Variants in SRPK2 observed in about 807,000 individuals in gnomAD.
The protein encoded by SRPK2 is SFRS protein kinase 2.
In SRPK2, 21 loss-of-function variants were observed where a neutral mutation model predicts 90.8. That is an observed-to-expected ratio of 0.23 (90% confidence interval 0.16 to 0.33). SRPK2 has a LOEUF of 0.33. SRPK2 is among the 10% of genes least tolerant of loss of function. The probability of loss-of-function intolerance (pLI) is 1.00; values close to 1 mark genes in which losing one functional copy is unlikely to be tolerated. For synonymous variants in SRPK2, 288 were observed against 311.1 expected (o/e 0.93, Z 0.78); for missense variants, 620 against 869.0 (o/e 0.71, Z 3.60).
intron 11 of SRPK2, among the ~76,000 whole-genome samples, chr7:105,138,413 G>T (rs1016888490): frequency 1.3e-5 from 2 of 152,174 alleles, no homozygotes. Flanking sequence ...CACCCAGGAG[G>T]CAGGCTACTG....
At chr7:105,264,961 C>T (rs1003667696) in intron 2 of SRPK2, among the ~76,000 whole-genome samples, 1 of 152,114 alleles carries the variant, frequency 6.6e-6, no homozygotes, top group African/African-American at 2.4e-5. Flanking sequence ...AAGAATTGTA[C>T]AATTTTGTTA....
chr7:105,187,393 G>A (rs1793723577), intron 3 of SRPK2, among the ~76,000 whole-genome samples: 1 of 152,134 alleles, frequency 6.6e-6, no homozygotes, highest in Non-Finnish European at 1.5e-5. Context: ...CCACTCCCTA[G>A]AAGCTACAAT....
chr7:105,300,209 C>T (rs1810359677), intron 2 of SRPK2, among the ~76,000 whole-genome samples: 2 of 136,732 alleles, frequency 1.5e-5, no homozygotes, highest in African/African-American at 2.8e-5. Flanking sequence ...GCCAAGATCA[C>T]GCCACTGCAC....
At chr7:105,333,986 G>A (rs1026225498) in intron 2 of SRPK2, among the ~76,000 whole-genome samples, 5 of 151,082 alleles carry the variant, frequency 3.3e-5, no homozygotes, top group African/African-American at 9.7e-5. Flanking sequence ...GCAGTGGCGC[G>A]ATCTCAGCTC....
rs568082840 is a variant in SRPK2, at chr7:105,270,214, A to T, written c.72-66429T>A. Among the ~76,000 whole-genome samples, 164 of 152,296 alleles carry T rather than the reference A, an allele frequency of 1.1e-3. 1 individual carries two copies. The highest frequency in any genetic ancestry group is 3.9e-3 in the African/African-American group (160 of 41,554). On this transcript the variant is annotated intron_variant, in intron 2 of 15. Transcript: ENST00000393651. Reference sequence around the variant, plus strand: ...CTGATGAGAGAGCAGAATCTACCACAGGGTGTAGCCAAGCTGCCGAGCCAC... The same window carrying T: ...CTGATGAGAGAGCAGAATCTACCACTGGGTGTAGCCAAGCTGCCGAGCCAC...
intron 2 of SRPK2, among the ~76,000 whole-genome samples, chr7:105,231,602 G>A (rs1395577310): frequency 6.6e-6 from 1 of 152,090 alleles, no homozygotes; most frequent in Non-Finnish European, 1.5e-5. Context: ...TTTAACCATA[G>A]TCATTATAAT....
chr7:105,248,058 G>T (rs1801954914), intron 2 of SRPK2, among the ~76,000 whole-genome samples: 1 of 152,022 alleles, frequency 6.6e-6, no homozygotes, highest in African/African-American at 2.4e-5. Flanking sequence ...TCTCCATGCT[G>T]GTCAGGCTGG....
chr7:105,153,943 A>G (rs1396238222), intron 7 of SRPK2, among the ~76,000 whole-genome samples: 1 of 152,232 alleles, frequency 6.6e-6, no homozygotes, highest in Non-Finnish European at 1.5e-5. Context: ...TCCCTTCCAC[A>G]GTGAAACACA....
Position 105,169,278 on chromosome 7 carries a change from G to A in SRPK2, c.230-13C>T, listed in dbSNP as rs758868754. The A allele has an allele frequency of 1.3e-6, 2 of 1,583,530 alleles. No individual in the cohort carries two copies. The highest frequency in any genetic ancestry group is 4.5e-5 in the East Asian group (2 of 44,742). On this transcript the variant is annotated splice_polypyrimidine_tract_variant and intron_variant, in intron 3 of 15. Coordinates refer to ENST00000393651, the MANE Select transcript of SRPK2 (RefSeq NM_182692.3). The stretch of plus-strand genomic sequence containing the variant: ...GGATGATATCCACCTTAAAAAACAA[G>A]AAAGAAAGAAAAAAATTCAAAATAT...
At chr7:105,198,200 T>G (rs1196225909) in intron 3 of SRPK2, among the ~76,000 whole-genome samples, 1 of 152,190 alleles carries the variant, frequency 6.6e-6, no homozygotes, top group Admixed American at 6.5e-5. Context: ...ATATTTGGAT[T>G]CCTAAGTCCC....
At chr7:105,213,382 T>C (rs955915356) in intron 2 of SRPK2, among the ~76,000 whole-genome samples, 3 of 152,074 alleles carry the variant, frequency 2.0e-5, no homozygotes, top group Non-Finnish European at 4.4e-5. Flanking sequence ...GCAAAGGTGA[T>C]TGAAACTGAA....
chr7:105,288,007 G>A (rs1288834638), intron 2 of SRPK2, among the ~76,000 whole-genome samples: 1 of 152,054 alleles, frequency 6.6e-6, no homozygotes, highest in African/African-American at 2.4e-5. Flanking sequence ...CCTCCAAAAT[G>A]CCAATTTTCA....
intron 2 of SRPK2, among the ~76,000 whole-genome samples, chr7:105,211,755 T>C (rs1796893090): frequency 6.6e-6 from 1 of 152,128 alleles, no homozygotes; most frequent in African/African-American, 2.4e-5. Context: ...ACTATATCAC[T>C]CCCCAAGTCC....
intron 1 of SRPK2, among the ~76,000 whole-genome samples, chr7:105,397,844 C>T (rs1822374577): frequency 6.6e-6 from 1 of 152,020 alleles, no homozygotes; most frequent in African/African-American, 2.4e-5. Flanking sequence ...GACGGGGTTT[C>T]ACCATGTTGG....
chr7:105,242,323 C>A (rs951156925), intron 2 of SRPK2, among the ~76,000 whole-genome samples: 1 of 152,040 alleles, frequency 6.6e-6, no homozygotes, highest in Non-Finnish European at 1.5e-5. Context: ...GCCAGCCTCG[C>A]CAACATGGTG....
At chr7:105,341,357 C>CAAAAAAAAAAA (rs746893526) in intron 2 of SRPK2, among the ~76,000 whole-genome samples, 21 of 66,718 alleles carry the variant, frequency 3.1e-4, no homozygotes, top group African/African-American at 1.4e-3. Flanking sequence ...GACTCCGTCT[C>CAAAAAAAAAAA]AAAAAAAAAA....
intron 2 of SRPK2, among the ~76,000 whole-genome samples, chr7:105,274,114 T>G (rs374124149): frequency 6.6e-6 from 1 of 152,176 alleles, no homozygotes; most frequent in Admixed American, 6.5e-5. Flanking sequence ...ACCCACCCAA[T>G]AGTCCCATAG....
chr7:105,187,218 T>C (rs1295632979), intron 3 of SRPK2, among the ~76,000 whole-genome samples: 1 of 152,238 alleles, frequency 6.6e-6, no homozygotes, highest in Non-Finnish European at 1.5e-5. Context: ...GCAGGTAAGA[T>C]GTGCCTTCAA....
chr7:105,390,125 A>G (rs1822115478), upstream of SRPK2, among the ~76,000 whole-genome samples: 1 of 152,200 alleles, frequency 6.6e-6, no homozygotes, highest in Non-Finnish European at 1.5e-5. Flanking sequence ...TTTTGTAGAC[A>G]CTGTTACCCT....
Sources: gnomAD v4.1 joint callset for allele counts (sites outside exome capture counted in the v4.1 genomes callset) on GRCh38, gnomAD v4.1.1 for gene constraint, MANE v1.5 for transcripts, NCBI Gene and HGNC (gene_info 2026-07-23, HGNC 2026-07-21) for gene names.